The following SLC9B1 variants were observed in gnomAD, a reference collection of about 807,000 sequenced individuals.
The protein encoded by SLC9B1 is solute carrier family 9 member B1.
SLC9B1 carries 32 observed loss-of-function variants against 51.7 expected under a neutral mutation model. That is an observed-to-expected ratio of 0.62 (90% confidence interval 0.47 to 0.83). The LOEUF (loss-of-function observed/expected upper bound fraction) is 0.83. Ranked by LOEUF, SLC9B1 falls within the 40% of genes least tolerant of loss-of-function variation. The pLI, the probability that SLC9B1 is intolerant of heterozygous loss-of-function variation, is 0.00. For synonymous variants in SLC9B1, 145 were observed against 212.7 expected (o/e 0.68, Z 2.77); for missense variants, 406 against 613.2 (o/e 0.66, Z 3.57).
At chr4:102,958,880 A>C (rs1437980697) in intron 3 of SLC9B1, among the ~76,000 whole-genome samples, 1 of 152,020 alleles carries the variant, frequency 6.6e-6, no homozygotes, top group Non-Finnish European at 1.5e-5. Context: ...CCGAGATCCC[A>C]CCACTGCACT....
chr4:103,010,711 G>A (rs998818527), intron 1 of SLC9B1, among the ~76,000 whole-genome samples: 2 of 152,184 alleles, frequency 1.3e-5, no homozygotes, highest in African/African-American at 2.4e-5. Context: ...CATGTTGGAA[G>A]AGACAGAAGG....
intron 1 of SLC9B1, among the ~76,000 whole-genome samples, chr4:102,994,414 C>T (rs1422139816): frequency 6.6e-6 from 1 of 152,184 alleles, no homozygotes; most frequent in Non-Finnish European, 1.5e-5. Context: ...ACTTCATTGT[C>T]CATATCACCA....
chr4:102,981,705 TGTTTTC>T (rs2110510679), intron 3 of SLC9B1, among the ~76,000 whole-genome samples: 1 of 152,326 alleles, frequency 6.6e-6, no homozygotes, highest in East Asian at 1.9e-4. Context: ...TCTGGTTGTT[TGTTTTC>T]TTTTTGGTGA....
At chr4:102,913,211 GCTCT>G (rs903042663) in intron 7 of SLC9B1, among the ~76,000 whole-genome samples, 8 of 150,600 alleles carry the variant, frequency 5.3e-5, no homozygotes, top group Admixed American at 4.6e-4. Context: ...GTTACCTGAA[GCTCT>G]CTCTCTCTCT....
At chr4:102,970,932 A>G (rs1003538586) in intron 3 of SLC9B1, among the ~76,000 whole-genome samples, 12 of 152,236 alleles carry the variant, frequency 7.9e-5, no homozygotes, top group African/African-American at 2.9e-4. Context: ...CAACAAGAAG[A>G]TCTAACTATC....
chr4:102,999,680 G>A (rs1440176062), intron 1 of SLC9B1, among the ~76,000 whole-genome samples: 1 of 152,168 alleles, frequency 6.6e-6, no homozygotes, highest in Non-Finnish European at 1.5e-5. Flanking sequence ...CAGAGATTGA[G>A]CTCAGTTGAT....
intron 11 of SLC9B1, among the ~76,000 whole-genome samples, chr4:102,886,977 ATAAT>A (rs2110403122): frequency 6.6e-6 from 1 of 152,358 alleles, no homozygotes; most frequent in African/African-American, 2.4e-5. Flanking sequence ...AGAAAAAATT[ATAAT>A]TTATTTTGAA....
intron 7 of SLC9B1, among the ~76,000 whole-genome samples, chr4:102,926,287 G>A (rs1446504013): frequency 6.6e-6 from 1 of 152,184 alleles, no homozygotes; most frequent in African/African-American, 2.4e-5. Flanking sequence ...TATTCAGTTA[G>A]GAAAAGAGGA....
chr4:102,987,639 T>G (rs936365710), intron 3 of SLC9B1, among the ~76,000 whole-genome samples: 1 of 152,152 alleles, frequency 6.6e-6, no homozygotes, highest in African/African-American at 2.4e-5. Context: ...CCCTCCTCTT[T>G]CCTTGATACT....
intron 4 of SLC9B1, among the ~76,000 whole-genome samples, chr4:102,948,056 G>A (rs972843412): frequency 3.9e-5 from 6 of 152,050 alleles, no homozygotes; most frequent in African/African-American, 9.7e-5. Flanking sequence ...CCACTATGCA[G>A]TTCAAAAACA....
At chr4:102,919,101 C>T (rs1735731252) in intron 7 of SLC9B1, among the ~76,000 whole-genome samples, 1 of 152,178 alleles carries the variant, frequency 6.6e-6, no homozygotes, top group African/African-American at 2.4e-5. Flanking sequence ...CCTAGGCCTC[C>T]AACCCTGTGA....
intron 11 of SLC9B1, chr4:102,888,411 A>C (rs1395339216): frequency 1.3e-5 from 2 of 152,124 alleles, no homozygotes; most frequent in Admixed American, 6.5e-5. Flanking sequence ...CTCCGTACAC[A>C]TGAGTTTCAC....
chr4:103,003,052 C>T (rs138921471), intron 1 of SLC9B1, among the ~76,000 whole-genome samples: 3 of 152,316 alleles, frequency 2.0e-5, no homozygotes, highest in African/African-American at 7.2e-5. Context: ...TCCTCCCCTT[C>T]TACTCACTGT....
intron 3 of SLC9B1, among the ~76,000 whole-genome samples, chr4:102,955,202 A>G (rs1737723417): frequency 1.3e-5 from 2 of 152,142 alleles, no homozygotes; most frequent in Admixed American, 6.5e-5. Flanking sequence ...GTGGTAGTGA[A>G]TAAGTCTCAC....
chr4:102,974,242 G>GAAAAAAA (rs141412944), intron 3 of SLC9B1, among the ~76,000 whole-genome samples: 2,888 of 53,266 alleles, frequency 0.054, 469 homozygotes, highest in South Asian at 0.13. Context: ...GTCTAAAATT[G>GAAAAAAA]AAAAAAAAAA....
At chr4:102,996,428 T>C (rs1386922537) in intron 1 of SLC9B1, among the ~76,000 whole-genome samples, 1 of 152,214 alleles carries the variant, frequency 6.6e-6, no homozygotes, top group Non-Finnish European at 1.5e-5. Flanking sequence ...AGAGCTTTTG[T>C]TGTTTAAGAA....
chr4:102,928,078 G>C (rs915961767), intron 7 of SLC9B1, among the ~76,000 whole-genome samples: 18 of 151,928 alleles, frequency 1.2e-4, no homozygotes, highest in Non-Finnish European at 1.8e-4. Flanking sequence ...GCCTGTCGGG[G>C]GGTGGAGGGC....
At chr4:102,973,138 G>A (rs1177238759) in intron 3 of SLC9B1, among the ~76,000 whole-genome samples, 1 of 152,022 alleles carries the variant, frequency 6.6e-6, no homozygotes, top group East Asian at 1.9e-4. Context: ...AACTTAAATG[G>A]TCTAAATTAG....
intron 3 of SLC9B1, among the ~76,000 whole-genome samples, chr4:102,985,859 T>C (rs1275303168): frequency 6.6e-6 from 1 of 152,188 alleles, no homozygotes; most frequent in African/African-American, 2.4e-5. Context: ...TATGGCTTTA[T>C]AGGTAGAGCA....
Sources: allele counts gnomAD v4.1 joint callset (sites outside exome capture counted in the v4.1 genomes callset), GRCh38; gene constraint gnomAD v4.1.1; transcripts MANE v1.5; gene names NCBI Gene and HGNC (gene_info 2026-07-23, HGNC 2026-07-21).